Variants in PACRG observed in about 807,000 individuals in gnomAD.
PACRG encodes the protein parkin coregulated.
Under a neutral mutation model 29.7 loss-of-function variants are expected in PACRG, and 29 were observed. The observed-to-expected ratio is 0.98, with a 90% confidence interval of 0.73 to 1.33. The LOEUF (loss-of-function observed/expected upper bound fraction) is 1.33. PACRG is among the 40% of genes most tolerant of loss of function. PACRG has a pLI of 0.00. For missense variants in PACRG, 279 were observed against 316.2 expected, an observed-to-expected ratio of 0.88 and a Z score of 0.89; for synonymous variants, 116 against 118.7, an observed-to-expected ratio of 0.98 and a Z score of 0.15.
At chr6:163,191,986 G>T in intron 4 of PACRG, 1 of 296,190 alleles carries the variant, frequency 3.4e-6, no homozygotes, top group South Asian at 3.0e-5. Context: ...CGGGGCAGTT[G>T]TTGTTGAATT....
chr6:163,291,676 C>A (rs931340640), intron 4 of PACRG, among the ~76,000 whole-genome samples: 3 of 152,224 alleles, frequency 2.0e-5, no homozygotes, highest in African/African-American at 7.2e-5. Context: ...TGTCAAGGGC[C>A]TCTAGAGAAG....
At chr6:163,238,642 G>A (rs1012996301) in intron 4 of PACRG, among the ~76,000 whole-genome samples, 1 of 152,208 alleles carries the variant, frequency 6.6e-6, no homozygotes, top group African/African-American at 2.4e-5. Context: ...ACTGCTGGTG[G>A]TCTCAGACAA....
intron 2 of PACRG, among the ~76,000 whole-genome samples, chr6:162,858,458 A>T (rs1178340590): frequency 6.6e-6 from 1 of 152,188 alleles, no homozygotes; most frequent in Non-Finnish European, 1.5e-5. Context: ...TTGGGTGGGG[A>T]CACAGAGCCA....
chr6:162,944,865 G>A (rs186425636), intron 2 of PACRG, among the ~76,000 whole-genome samples: 3 of 151,916 alleles, frequency 2.0e-5, no homozygotes, highest in Admixed American at 6.6e-5. Flanking sequence ...AAATTTTGGT[G>A]TACCAGAAGG....
chr6:162,909,587 G>A (rs1478290212), intron 2 of PACRG, among the ~76,000 whole-genome samples: 3 of 124,804 alleles, frequency 2.4e-5, no homozygotes, highest in Admixed American at 1.6e-4. Context: ...TCATCCTTAA[G>A]CATTTCTTTC....
chr6:162,870,477 G>C (rs1189995601), intron 2 of PACRG, among the ~76,000 whole-genome samples: 1 of 152,134 alleles, frequency 6.6e-6, no homozygotes, highest in African/African-American at 2.4e-5. Flanking sequence ...TTGGCTACAT[G>C]AGTAAGGTCT....
At chr6:163,136,488 A>G (rs775360652) in intron 4 of PACRG, among the ~76,000 whole-genome samples, 21 of 152,220 alleles carry the variant, frequency 1.4e-4, no homozygotes, top group South Asian at 2.1e-4. Flanking sequence ...TAAGAGATTG[A>G]ATTTTCCCTT....
chr6:163,036,622 T>C (rs1808211885), intron 2 of PACRG, among the ~76,000 whole-genome samples: 1 of 152,128 alleles, frequency 6.6e-6, no homozygotes, highest in African/African-American at 2.4e-5. Flanking sequence ...TTCTCACTTG[T>C]GAATCAAAAG....
At chr6:162,996,477 C>T (rs1453075805) in intron 2 of PACRG, among the ~76,000 whole-genome samples, 1 of 151,974 alleles carries the variant, frequency 6.6e-6, no homozygotes, top group Admixed American at 6.6e-5. Flanking sequence ...CCATTATACA[C>T]AAAGATGCTC....
intron 4 of PACRG, among the ~76,000 whole-genome samples, chr6:163,185,615 C>T (rs1030033701): frequency 3.3e-5 from 5 of 152,074 alleles, no homozygotes; most frequent in African/African-American, 9.7e-5. Context: ...GATTAGTTCC[C>T]GATGCCTGAG....
intron 4 of PACRG, among the ~76,000 whole-genome samples, chr6:163,295,550 C>T (rs138388590): frequency 0.012 from 1,824 of 152,272 alleles, 21 homozygotes; most frequent in Non-Finnish European, 0.016. Flanking sequence ...GATCTTATTA[C>T]GGAAGTGAAA....
At chr6:162,976,186 A>G (rs891051627) in intron 2 of PACRG, among the ~76,000 whole-genome samples, 15 of 152,202 alleles carry the variant, frequency 9.9e-5, no homozygotes, top group African/African-American at 3.6e-4. Flanking sequence ...TTGGCTCCAG[A>G]ATAACAGAGG....
intron 4 of PACRG, among the ~76,000 whole-genome samples, chr6:163,253,903 G>T (rs1443615923): frequency 6.6e-6 from 1 of 152,232 alleles, no homozygotes; most frequent in Non-Finnish European, 1.5e-5. Flanking sequence ...CTCTGAGAGG[G>T]AGGGGCTTAG....
intron 2 of PACRG, among the ~76,000 whole-genome samples, chr6:162,843,867 T>G: frequency 1.8e-5 from 1 of 54,660 alleles, no homozygotes; most frequent in Non-Finnish European, 3.6e-5. Flanking sequence ...GTGTGAGGTG[T>G]CAGTGTGCCC....
chr6:162,966,471 A>T (rs1473828513), intron 2 of PACRG, among the ~76,000 whole-genome samples: 1 of 130,492 alleles, frequency 7.7e-6, no homozygotes, highest in Non-Finnish European at 1.6e-5. Flanking sequence ...GGAGGGAATG[A>T]CATGTATTTT....
chr6:162,894,428 G>T (rs1192499366), intron 2 of PACRG, among the ~76,000 whole-genome samples: 1 of 152,156 alleles, frequency 6.6e-6, no homozygotes, highest in African/African-American at 2.4e-5. Context: ...TTTGATCATT[G>T]TATCATTATT....
intron 2 of PACRG, among the ~76,000 whole-genome samples, chr6:163,009,301 A>T (rs1805403776): frequency 6.6e-6 from 1 of 152,232 alleles, no homozygotes; most frequent in South Asian, 2.1e-4. Flanking sequence ...AAAGTCTAAG[A>T]TAGCTCAAAG....
At chr6:162,769,774 AAAAG>A (rs1275828162) in intron 1 of PACRG, among the ~76,000 whole-genome samples, 1 of 151,972 alleles carries the variant, frequency 6.6e-6, no homozygotes, top group East Asian at 1.9e-4. Flanking sequence ...GCAAAAAAAA[AAAAG>A]AAAAGAAAAC....
At chr6:163,081,483 T>A (rs1813067813) in intron 3 of PACRG, among the ~76,000 whole-genome samples, 1 of 152,312 alleles carries the variant, frequency 6.6e-6, no homozygotes, top group African/African-American at 2.4e-5. Context: ...TGAAAAGGCA[T>A]GGTGGCTCAC....
Sources: gnomAD v4.1 joint callset for allele counts (sites outside exome capture counted in the v4.1 genomes callset) on GRCh38, gnomAD v4.1.1 for gene constraint, MANE v1.5 for transcripts, NCBI Gene and HGNC (gene_info 2026-07-23, HGNC 2026-07-21) for gene names.